The following COL25A1 variants were observed in gnomAD, a reference collection of about 807,000 sequenced individuals.
COL25A1 encodes the protein collagen alpha-1(XXV) chain.
A neutral mutation model predicts 128.4 loss-of-function variants in COL25A1; 103 were observed. That is an observed-to-expected ratio of 0.80 (90% CI 0.68 to 0.94). The LOEUF (loss-of-function observed/expected upper bound fraction) is 0.94, where lower values mean the gene tolerates loss of function less well. COL25A1 is among the 40% of genes least tolerant of loss of function. The probability of loss-of-function intolerance (pLI) is 0.00; values close to 1 mark genes in which losing one functional copy is unlikely to be tolerated. For synonymous variants in COL25A1, 279 were observed against 277.2 expected (o/e 1.01, Z -0.06); for missense variants, 745 against 840.0 (o/e 0.89, Z 1.40).
At chr4:109,066,216 C>G (rs1457144983) in intron 3 of COL25A1, among the ~76,000 whole-genome samples, 7 of 152,150 alleles carry the variant, frequency 4.6e-5, no homozygotes. Flanking sequence ...ATCAGCACTA[C>G]CACACTGGTT....
At chr4:109,006,639 T>C (rs936439339) in intron 6 of COL25A1, among the ~76,000 whole-genome samples, 9 of 152,106 alleles carry the variant, frequency 5.9e-5, no homozygotes, top group African/African-American at 2.2e-4. Context: ...GCAAATTTAC[T>C]CAAAGAAAAA....
At chr4:109,168,380 T>C (rs950627468) in intron 3 of COL25A1, among the ~76,000 whole-genome samples, 1 of 152,198 alleles carries the variant, frequency 6.6e-6, no homozygotes, top group African/African-American at 2.4e-5. Flanking sequence ...AGTTGGGGTA[T>C]TAGCTAGTAC....
chr4:108,840,552 C>T (rs1413850024), intron 31 of COL25A1, among the ~76,000 whole-genome samples: 3 of 152,144 alleles, frequency 2.0e-5, no homozygotes, highest in South Asian at 2.1e-4. Context: ...CAATACCTGC[C>T]ACCACTCCTA....
chr4:109,136,481 A>T (rs1475249292), intron 3 of COL25A1, among the ~76,000 whole-genome samples: 1 of 152,198 alleles, frequency 6.6e-6, no homozygotes, highest in Non-Finnish European at 1.5e-5. Context: ...AAATGTGGAA[A>T]ATTGGGAGGG....
intron 3 of COL25A1, among the ~76,000 whole-genome samples, chr4:109,212,301 T>C (rs1777630203): frequency 6.6e-6 from 1 of 152,142 alleles, no homozygotes; most frequent in Non-Finnish European, 1.5e-5. Context: ...AGATGGCTTA[T>C]GCACCTGGCC....
At chr4:109,225,037 A>C (rs1378840113) in intron 3 of COL25A1, among the ~76,000 whole-genome samples, 1 of 152,210 alleles carries the variant, frequency 6.6e-6, no homozygotes, top group Non-Finnish European at 1.5e-5. Flanking sequence ...GTAAGTCCCT[A>C]GGGAATCTGC....
chr4:109,128,497 A>G (rs1039157617), intron 3 of COL25A1, among the ~76,000 whole-genome samples: 1 of 152,184 alleles, frequency 6.6e-6, no homozygotes, highest in Non-Finnish European at 1.5e-5. Context: ...TGTAGCCTCC[A>G]TGTATTGATT....
At position 109,127,298 on chromosome 4, in the gene COL25A1, G is replaced by T. The variant is rs1397620643; in HGVS notation, c.368-77119C>A. On this transcript the variant is annotated intron_variant, in intron 3 of 37. Transcript: ENST00000399132. ...CTTCAGCACTGCTTGGTCATAATTT[G>T]GTCCATTATTCTTTCCAATACTCAA... 3.3e-5 allele frequency among the ~76,000 whole-genome samples: 5 copies of T among 152,042 alleles called. No homozygotes were observed. The South Asian group carries it at 6.2e-4, about 19-fold the overall frequency.
Position 108,938,217 on chromosome 4 carries a change from A to C in COL25A1, c.673-374T>G, listed in dbSNP as rs1253558388. Among the ~76,000 whole-genome samples the C allele has an allele frequency of 2.0e-5, 3 of 152,188 alleles. 1 individual carries two copies. The highest frequency in any genetic ancestry group is 4.4e-5 in the Non-Finnish European group (3 of 68,032). On this transcript the variant is annotated intron_variant, in intron 10 of 37. Coordinates refer to ENST00000399132, the MANE Select transcript of COL25A1 (RefSeq NM_198721.4). Reference sequence around the variant, plus strand: ...GGTCTTCCTGGATTAATGACGGCTGAAGTAACATGTTTCATTAAATTTGAT... The same window carrying C: ...GGTCTTCCTGGATTAATGACGGCTGCAGTAACATGTTTCATTAAATTTGAT...
At chr4:108,846,245 T>C (rs538840987) in intron 27 of COL25A1, 26 bp from the exon 28 acceptor site, 4 of 1,455,590 alleles carry the variant, frequency 2.7e-6, no homozygotes, top group South Asian at 2.3e-5. Flanking sequence ...AAGGTTGGCA[T>C]GTAAGCAGCA....
At chr4:109,070,314 T>C (rs1380400889) in intron 3 of COL25A1, among the ~76,000 whole-genome samples, 1 of 151,964 alleles carries the variant, frequency 6.6e-6, no homozygotes, top group Non-Finnish European at 1.5e-5. Context: ...TGTACTTTTA[T>C]GAGCATGTAT....
rs1353100361 is a variant in COL25A1, at chr4:109,247,507, A to G, written c.367+53076T>C. On this transcript the variant is annotated intron_variant, in intron 3 of 37. Transcript: ENST00000399132. ...AGCTCAAACTATTAGACAAGCCTACAGTCACTTGGGCCTGAATTAGGGAAC... is the reference window on the plus strand; with the variant it reads ...AGCTCAAACTATTAGACAAGCCTACGGTCACTTGGGCCTGAATTAGGGAAC... Among the ~76,000 whole-genome samples, 3 of 152,342 alleles carry G rather than the reference A, an allele frequency of 2.0e-5. No individual in the cohort carries two copies. The East Asian group carries it at 5.8e-4, about 29-fold the overall frequency.
intron 3 of COL25A1, among the ~76,000 whole-genome samples, chr4:109,068,325 A>G (rs1016558601): frequency 2.6e-5 from 4 of 152,170 alleles, no homozygotes; most frequent in Non-Finnish European, 4.4e-5. Context: ...CAGGATATTT[A>G]GTCTAAGGAC....
chr4:108,988,171 T>C (rs901318481), intron 6 of COL25A1, among the ~76,000 whole-genome samples: 7 of 152,224 alleles, frequency 4.6e-5, no homozygotes, highest in Non-Finnish European at 8.8e-5. Context: ...ATATGCAAGT[T>C]GTAGAAAGTA....
At chr4:109,037,621 A>G (rs891099921) in intron 5 of COL25A1, among the ~76,000 whole-genome samples, 4 of 152,206 alleles carry the variant, frequency 2.6e-5, no homozygotes, top group African/African-American at 9.6e-5. Context: ...CTTTTCTCTA[A>G]AAGTGTGTGG....
chr4:109,043,196 G>A (rs775176747), intron 5 of COL25A1, among the ~76,000 whole-genome samples: 1 of 152,028 alleles, frequency 6.6e-6, no homozygotes, highest in African/African-American at 2.4e-5. Flanking sequence ...ACACATGGTA[G>A]GTAGCTGCTA....
At chr4:109,037,625 T>C (rs986195789) in intron 5 of COL25A1, among the ~76,000 whole-genome samples, 1 of 152,250 alleles carries the variant, frequency 6.6e-6, no homozygotes, top group African/African-American at 2.4e-5. Flanking sequence ...TCTCTAAAAG[T>C]GTGTGGGTCT....
chr4:109,197,486 T>TA (rs1560851216), intron 3 of COL25A1, among the ~76,000 whole-genome samples: 1 of 126,614 alleles, frequency 7.9e-6, no homozygotes, highest in Non-Finnish European at 1.6e-5. Context: ...ATATTATATA[T>TA]TATATATAAA....
At chr4:109,259,229 G>A (rs17040219) in intron 3 of COL25A1, among the ~76,000 whole-genome samples, 6,770 of 151,908 alleles carry the variant, frequency 0.045, 388 homozygotes, top group South Asian at 0.14. Flanking sequence ...TAGAGCGGTT[G>A]AAAAAAGTAA....
Sources: gnomAD v4.1 joint callset for allele counts (sites outside exome capture counted in the v4.1 genomes callset) on GRCh38, gnomAD v4.1.1 for gene constraint, MANE v1.5 for transcripts, NCBI Gene and HGNC (gene_info 2026-07-23, HGNC 2026-07-21) for gene names.